Variants in ERMP1 observed in about 807,000 individuals in gnomAD.
The protein encoded by ERMP1 is endoplasmic reticulum metallopeptidase 1.
A neutral mutation model predicts 92.0 loss-of-function variants in ERMP1; 86 were observed. That is an observed-to-expected ratio of 0.93 (90% CI 0.79 to 1.12). The LOEUF (loss-of-function observed/expected upper bound fraction) is 1.12. Ranked by LOEUF, ERMP1 falls within the 50% of genes most tolerant of loss-of-function variation. The pLI, the probability that ERMP1 is intolerant of heterozygous loss-of-function variation, is 0.00. For missense variants in ERMP1, 1,342 were observed against 1,116.3 expected (o/e 1.20, Z -2.88); for synonymous variants, 530 against 412.8 (o/e 1.28, Z -3.44).
At chr9:5,840,765 G>A (rs570555001) in intron 6 of ERMP1, among the ~76,000 whole-genome samples, 1 of 152,332 alleles carries the variant, frequency 6.6e-6, no homozygotes, top group South Asian at 2.1e-4. Context: ...CCCTAGATCA[G>A]GAGACCTGTG....
chr9:5,787,204 C>T lies in ERMP1; in HGVS notation c.2655G>A (p.Lys885=). ...RSPQLDALKE[K]FPDWTFPSAW... ...CAGAGGGAAATGTCCAATCTGGGAACTTTTCCTTCAGAGCATCCAGTTGAG... is the reference window on the plus strand; with the variant it reads ...CAGAGGGAAATGTCCAATCTGGGAATTTTTCCTTCAGAGCATCCAGTTGAG... Residue 885 remains lysine (K), a synonymous_variant, in exon 15 of 15, where the codon AAG becomes AAA. Transcript: ENST00000339450. 1 of 1,614,116 alleles carries T rather than the reference C, an allele frequency of 6.2e-7. No individual in the cohort carries two copies. Among genetic ancestry groups the T allele is most frequent in the Non-Finnish European group, 8.5e-7 (1 of 1,179,994 alleles).
chr9:5,786,339 T>C lies in ERMP1; in HGVS notation c.*805A>G, dbSNP rs559332048. The C allele has an allele frequency of 6.6e-6, 1 of 152,380 alleles. No homozygotes were observed. Among genetic ancestry groups the C allele is most frequent in the African/African-American group, 2.4e-5 (1 of 41,582 alleles). The allele number at this position is 152,380 out of a possible 1,614,324, so 9.4% of individuals were successfully genotyped here. On this transcript the variant is annotated 3_prime_UTR_variant, in exon 15 of 15. Transcript: ENST00000339450. ...GAGGAAGGAAGTTAAGGTCATGTAC[T>C]GGCACAAACAATATTCTGAACCAAA...
At chr9:5,857,425 A>G (rs1270265854) in intron 6 of ERMP1, among the ~76,000 whole-genome samples, 3 of 151,848 alleles carry the variant, frequency 2.0e-5, no homozygotes, top group Non-Finnish European at 2.9e-5. Context: ...AATTTTTACA[A>G]CTCTGCGTGT....
At position 5,805,609 on chromosome 9, in the gene ERMP1, A is replaced by G; in HGVS notation, c.1723+2T>C. The G allele has an allele frequency of 6.4e-7, 1 of 1,570,770 alleles. No homozygotes were observed. The highest frequency in any genetic ancestry group is 8.6e-7 in the Non-Finnish European group (1 of 1,165,646). On this transcript the variant is annotated splice_donor_variant, in intron 9 of 14. Transcript: ENST00000339450. LOFTEE classifies it high-confidence loss of function. ...TGTATATCAAAATCAAAAATACCCT[A>G]CCATGCTGCTTGAAGTCCTTATGCA...
At chr9:5,835,363 T>TGCGCGC (rs1830081253), upstream of ERMP1, among the ~76,000 whole-genome samples, 4 of 123,026 alleles carry the variant, frequency 3.3e-5, no homozygotes, top group Non-Finnish European at 7.1e-5. Context: ...CGCGCGCGCA[T>TGCGCGC]GTGTGTGTGT....
chr9:5,863,932 C>T (rs1460538788), intron 5 of ERMP1, among the ~76,000 whole-genome samples: 4 of 152,104 alleles, frequency 2.6e-5, no homozygotes, highest in Non-Finnish European at 4.4e-5. Flanking sequence ...TATAGATCTA[C>T]TGTACTTTAT....
At chr9:5,844,566 G>A (rs764207934) in intron 6 of ERMP1, among the ~76,000 whole-genome samples, 4 of 152,058 alleles carry the variant, frequency 2.6e-5, no homozygotes, top group African/African-American at 9.7e-5. Context: ...GAGCCACCAC[G>A]CCTGGCCCTA....
intron 6 of ERMP1, among the ~76,000 whole-genome samples, chr9:5,842,472 A>G (rs970708466): frequency 7.9e-5 from 12 of 152,076 alleles, no homozygotes; most frequent in African/African-American, 2.9e-4. Flanking sequence ...AAAAAGAAAA[A>G]AAGAAAATGT....
chr9:5,866,489 G>A (rs759047879), intron 5 of ERMP1, among the ~76,000 whole-genome samples: 24 of 152,240 alleles, frequency 1.6e-4, no homozygotes, highest in Non-Finnish European at 2.5e-4. Flanking sequence ...ATGACAAACA[G>A]CCCAGAATTG....
At position 5,797,868 on chromosome 9, in the gene ERMP1, A is replaced by C. The variant is rs547444284; in HGVS notation, c.2335T>G (p.Ser779Ala). The change falls in exon 13 of 15, where the codon TCC (serine) becomes GCC (alanine). Residue 779 changes from serine to alanine, a missense_variant. Physicochemically the swap from Ser to Ala is moderately conservative, Grantham distance 99. Transcript: ENST00000339450. ...GAATCCCAAGGTGTCTGTTCTTTGG[A>C]TATGAGTCGGAAATGAGGAGGATTT... ...PRNPPHFRLI[S>A]KEQTPWDSIK... 2.5e-5 allele frequency: 41 copies of C among 1,613,924 alleles called. No homozygotes were observed. The South Asian group carries it at 4.5e-4, about 18-fold the overall frequency.
At chr9:5,832,667 T>G (rs2129704907) in intron 1 of ERMP1, 23 bp downstream of exon 1, 1 of 1,400,844 alleles carries the variant, frequency 7.1e-7, no homozygotes, top group South Asian at 1.5e-5. Flanking sequence ...GCGCGGGCCG[T>G]GCCAGGAGGG....
At position 5,847,722 on chromosome 9, in the gene ERMP1, T is replaced by C. The variant is rs867942064; in HGVS notation, n.3199+11746A>G. On this transcript the variant is annotated intron_variant and non_coding_transcript_variant, in intron 6 of 6. Transcript: ENST00000690753. ...CATCCTGGCTAACACGGTAAAACCC[T>C]GTGTCTACTACAAATACAAAAAATT... 3.1e-4 allele frequency among the ~76,000 whole-genome samples: 47 copies of C among 151,966 alleles called. No individual in the cohort carries two copies. The East Asian group carries it at 4.5e-3, about 14-fold the overall frequency.
At chr9:5,834,979 G>GTGTGTGTA (rs1563776712), upstream of ERMP1, among the ~76,000 whole-genome samples, 10 of 13,964 alleles carry the variant, frequency 7.2e-4, no homozygotes, top group Non-Finnish European at 8.7e-4. Context: ...ATAGATAGAT[G>GTGTGTGTA]TGTGTGTGTG....
intron 7 of ERMP1, 108 bp downstream of exon 7, chr9:5,811,003 G>C (rs1468512886): frequency 1.5e-6 from 1 of 673,380 alleles, no homozygotes; most frequent in Non-Finnish European, 2.5e-6. Flanking sequence ...AGCAAACATT[G>C]TCTTAAGATT....
chr9:5,823,165 G>A (rs570896511), intron 4 of ERMP1, among the ~76,000 whole-genome samples: 9 of 152,132 alleles, frequency 5.9e-5, no homozygotes, highest in Non-Finnish European at 1.2e-4. Flanking sequence ...AGCACCTGCA[G>A]TCCCAGCAAC....
intron 5 of ERMP1, among the ~76,000 whole-genome samples, chr9:5,863,061 G>A (rs1253498793): frequency 6.6e-6 from 1 of 152,118 alleles, no homozygotes; most frequent in Non-Finnish European, 1.5e-5. Flanking sequence ...CCAGCTCCTG[G>A]GGCAATGGAA....
chr9:5,785,616 AT>A lies in ERMP1; in HGVS notation c.*1527del, dbSNP rs1827904180. The A allele has an allele frequency of 6.5e-6, 1 of 152,750 alleles. No homozygotes were observed. Among genetic ancestry groups the A allele is most frequent in the Non-Finnish European group, 1.5e-5 (1 of 68,064 alleles). 9.5% of individuals were successfully genotyped at this position (152,750 alleles called of 1,614,324 possible). ...GATTAGGCAGGCAACGAGGGGCATG[AT>A]TTAAAAAGCACATCATACACATGAG... is the stretch of plus-strand genomic sequence containing the variant. On this transcript the variant is annotated 3_prime_UTR_variant, in exon 15 of 15. Coordinates refer to ENST00000339450, the MANE Select transcript of ERMP1 (RefSeq NM_024896.3).
chr9:5,824,687 C>G (rs924221029), intron 3 of ERMP1, among the ~76,000 whole-genome samples: 2 of 152,068 alleles, frequency 1.3e-5, no homozygotes, highest in Non-Finnish European at 2.9e-5. Context: ...AGGCATGAGC[C>G]AGCGTGCCTG....
chr9:5,862,100 G>A (rs1320900556), intron 5 of ERMP1, among the ~76,000 whole-genome samples: 1 of 152,024 alleles, frequency 6.6e-6, no homozygotes, highest in Non-Finnish European at 1.5e-5. Flanking sequence ...CACAATCATG[G>A]CTCACTGCGG....
Sources: allele counts gnomAD v4.1 joint callset (sites outside exome capture counted in the v4.1 genomes callset), GRCh38; gene constraint gnomAD v4.1.1; transcripts MANE v1.5; gene names NCBI Gene and HGNC (gene_info 2026-07-23, HGNC 2026-07-21).